NRXN1: variants seen among roughly 807,000 people sequenced by gnomAD.
NRXN1 encodes neurexin-1.
A neutral mutation model predicts 150.9 loss-of-function variants in NRXN1; 39 were observed. The ratio of observed to expected loss-of-function variants is 0.26; its 90% CI spans 0.20 to 0.34. The LOEUF is 0.34. NRXN1 is among the 10% of genes least tolerant of loss of function. The pLI is 1.00. For missense variants in NRXN1, 1,815 were observed against 1,949.9 expected, an observed-to-expected ratio of 0.93 and a Z score of 1.30; for synonymous variants, 924 against 757.0, an observed-to-expected ratio of 1.22 and a Z score of -3.62.
At chr2:50,444,602 A>G (rs934482286) in intron 17 of NRXN1, among the ~76,000 whole-genome samples, 2 of 152,196 alleles carry the variant, frequency 1.3e-5, no homozygotes, top group Non-Finnish European at 2.9e-5. Context: ...AGTTTGAGGC[A>G]CTGGCTCAGG....
At chr2:50,939,356 A>G (rs2104468397) in intron 2 of NRXN1, among the ~76,000 whole-genome samples, 1 of 152,134 alleles carries the variant, frequency 6.6e-6, no homozygotes, top group Non-Finnish European at 1.5e-5. Context: ...TATATTTAGT[A>G]AGTTAACAAT....
intron 5 of NRXN1, among the ~76,000 whole-genome samples, chr2:50,746,300 G>C (rs889647609): frequency 4.6e-5 from 7 of 152,202 alleles, no homozygotes; most frequent in African/African-American, 1.7e-4. Context: ...GCTCATGCCT[G>C]TAATCCTAAA....
At position 50,072,383 on chromosome 2, in the gene NRXN1, G is replaced by A. The variant is rs1696416034; in HGVS notation, c.3719-17339C>T. The stretch of plus-strand genomic sequence containing the variant: ...CGGTGACATTGTCTTATTTAAATAT[G>A]CTTATATTTTCTTCAATTTGGAAAC... On this transcript the variant is annotated intron_variant, in intron 19 of 22. Coordinates refer to ENST00000401669, the MANE Select transcript of NRXN1 (RefSeq NM_001330078.2). Among the ~76,000 whole-genome samples the A allele has an allele frequency of 2.0e-5, 3 of 152,070 alleles. No individual in the cohort carries two copies. In the South Asian group the frequency reaches 6.2e-4, roughly 32 times the overall value.
At chr2:50,298,040 G>A (rs1879338) in intron 17 of NRXN1, among the ~76,000 whole-genome samples, 41,797 of 151,496 alleles carry the variant, frequency 0.28, 6,027 homozygotes, top group East Asian at 0.4. Flanking sequence ...TTCCCTAATC[G>A]GCTTAATTTT....
At chr2:50,515,125 C>T (rs1001432184) in intron 12 of NRXN1, among the ~76,000 whole-genome samples, 1 of 152,140 alleles carries the variant, frequency 6.6e-6, no homozygotes, top group African/African-American at 2.4e-5. Flanking sequence ...CTGAGCTCCA[C>T]CTCATGTCAG....
chr2:50,175,909 C>T (rs2060326218), intron 18 of NRXN1, among the ~76,000 whole-genome samples: 1 of 152,058 alleles, frequency 6.6e-6, no homozygotes, highest in African/African-American at 2.4e-5. Flanking sequence ...TGAAGAGAAG[C>T]CATCACCAGA....
chr2:50,163,882 A>G (rs531747347), intron 18 of NRXN1, among the ~76,000 whole-genome samples: 7 of 152,324 alleles, frequency 4.6e-5, no homozygotes, highest in African/African-American at 1.7e-4. Context: ...GGAGACATCT[A>G]TACTTTATCT....
At position 50,604,574 on chromosome 2, in the gene NRXN1, T is replaced by C. The variant is rs1676791253; in HGVS notation, c.1320+15448A>G. On this transcript the variant is annotated intron_variant, in intron 8 of 22. Transcript: ENST00000401669. ...CATTTATTATTTTACACCTGCACCT[T>C]TTCTCCAACTTTTCCTGTCTCGACT... is the stretch of plus-strand genomic sequence containing the variant. Among the ~76,000 whole-genome samples, 3 of 152,208 alleles carry C rather than the reference T, an allele frequency of 2.0e-5. No homozygotes were observed. In the South Asian group the frequency reaches 6.2e-4, roughly 32 times the overall value.
At chr2:50,911,474 T>C (rs1684514870) in intron 5 of NRXN1, among the ~76,000 whole-genome samples, 1 of 151,886 alleles carries the variant, frequency 6.6e-6, no homozygotes, top group Non-Finnish European at 1.5e-5. Flanking sequence ...CTGTCTATTA[T>C]TTTTCAGTAG....
intron 17 of NRXN1, among the ~76,000 whole-genome samples, chr2:50,368,930 A>G (rs536705713): frequency 6.6e-6 from 1 of 152,092 alleles, no homozygotes; most frequent in Admixed American, 6.6e-5. Context: ...TTAGATAAAG[A>G]AATTATAGCA....
chr2:50,500,992 G>A (rs1273279560), intron 13 of NRXN1, among the ~76,000 whole-genome samples: 2 of 152,158 alleles, frequency 1.3e-5, no homozygotes. Flanking sequence ...GAGAAAGGCA[G>A]ACAAAAGAGG....
At chr2:50,289,449 C>A (rs1356889) in intron 17 of NRXN1, among the ~76,000 whole-genome samples, 32,902 of 151,920 alleles carry the variant, frequency 0.22, 4,243 homozygotes, top group East Asian at 0.36. Context: ...ACAGAAATAT[C>A]CACTTATTCA....
At chr2:49,995,879 A>G (rs929544102) in intron 21 of NRXN1, among the ~76,000 whole-genome samples, 53 of 140,508 alleles carry the variant, frequency 3.8e-4, no homozygotes, top group South Asian at 1.2e-3. Flanking sequence ...AAAAAAAAAA[A>G]AAAAGAAAAA....
chr2:50,232,536 G>T (rs192867766), intron 18 of NRXN1, among the ~76,000 whole-genome samples: 1 of 151,602 alleles, frequency 6.6e-6, no homozygotes, highest in African/African-American at 2.4e-5. Context: ...ACAGGCATGT[G>T]TCACCACACC....
intron 17 of NRXN1, among the ~76,000 whole-genome samples, chr2:50,328,637 G>A (rs1247866566): frequency 3.3e-5 from 5 of 152,114 alleles, no homozygotes; most frequent in African/African-American, 7.2e-5. Flanking sequence ...TCAGGAGGCC[G>A]AGGCAGGAAA....
rs201385273 is a variant in NRXN1 at position 50,236,773 on chromosome 2, T to A, written c.3546+16A>T. ...AGTAAAAAGTAAAAGCTGAATCTTA[T>A]GCAAAAAGTACTTACTATATGCAGT... On this transcript the variant is annotated intron_variant, in intron 18 of 22. Transcript: ENST00000401669. 4 of 1,611,666 alleles carry A rather than the reference T, an allele frequency of 2.5e-6. No homozygotes were observed. Among genetic ancestry groups the A allele is most frequent in the Non-Finnish European group, 3.4e-6 (4 of 1,178,380 alleles).
At chr2:50,899,501 T>G (rs556519566) in intron 5 of NRXN1, among the ~76,000 whole-genome samples, 7 of 152,140 alleles carry the variant, frequency 4.6e-5, no homozygotes, top group Non-Finnish European at 7.4e-5. Context: ...ATGTGGGCCC[T>G]GCTTCCCCCA....
At chr2:50,653,937 C>G (rs1156359850) in intron 5 of NRXN1, among the ~76,000 whole-genome samples, 3 of 149,408 alleles carry the variant, frequency 2.0e-5, no homozygotes, top group Non-Finnish European at 4.4e-5. Flanking sequence ...GGTAGAATCT[C>G]ACTATGCCCC....
At chr2:50,429,893 A>C (rs1459627797) in intron 17 of NRXN1, among the ~76,000 whole-genome samples, 1 of 152,172 alleles carries the variant, frequency 6.6e-6, no homozygotes, top group African/African-American at 2.4e-5. Flanking sequence ...TACCTGCTGC[A>C]TTTGCTATCA....
Sources: allele counts gnomAD v4.1 joint callset (sites outside exome capture counted in the v4.1 genomes callset), GRCh38; gene constraint gnomAD v4.1.1; transcripts MANE v1.5; gene names NCBI Gene and HGNC (gene_info 2026-07-23, HGNC 2026-07-21).